NHS: variants seen among roughly 807,000 people sequenced by gnomAD.
NHS encodes the protein NHS actin remodeling regulator, also known as actin remodeling regulator NHS.
In NHS, 5 loss-of-function variants were observed where a neutral mutation model predicts 72.5. That is an observed-to-expected ratio of 0.07 (90% CI 0.04 to 0.14). The LOEUF is 0.14. Ranked by LOEUF, NHS falls within the 10% of genes least tolerant of loss-of-function variation. The probability of loss-of-function intolerance (pLI) is 1.00; values close to 1 mark genes in which losing one functional copy is unlikely to be tolerated. For missense variants in NHS, 1,072 were observed against 1,355.7 expected, an observed-to-expected ratio of 0.79 and a Z score of 3.29; for synonymous variants, 464 against 547.7, an observed-to-expected ratio of 0.85 and a Z score of 2.13.
At chrX:17,577,501 A>C (rs1371831342) in intron 1 of NHS, among the ~76,000 whole-genome samples, 3 of 111,824 alleles carry the variant, frequency 2.7e-5, no homozygotes, top group African/African-American at 9.8e-5. Flanking sequence ...TGAATGTCTT[A>C]CACCAGGCTT....
intron 1 of NHS, among the ~76,000 whole-genome samples, chrX:17,414,327 C>T (rs961109363): frequency 8.9e-6 from 1 of 112,333 alleles, no homozygotes; most frequent in African/African-American, 3.2e-5. Flanking sequence ...AGGCCAGAAA[C>T]GAATCCCGGT....
At chrX:17,396,054 A>G (rs950671592) in intron 1 of NHS, among the ~76,000 whole-genome samples, 2 of 112,267 alleles carry the variant, frequency 1.8e-5, no homozygotes, top group African/African-American at 6.5e-5. Context: ...TTTATGATAC[A>G]TTCCAAAGTT....
intron 1 of NHS, among the ~76,000 whole-genome samples, chrX:17,451,904 G>A (rs1176703114): frequency 8.9e-6 from 1 of 111,960 alleles, no homozygotes; most frequent in African/African-American, 3.2e-5. Context: ...CTTAATTGCT[G>A]TGGCTAGATT....
At chrX:17,560,371 G>A (rs1185024934) in intron 1 of NHS, among the ~76,000 whole-genome samples, 1 of 112,696 alleles carries the variant, frequency 8.9e-6, no homozygotes, top group Non-Finnish European at 1.9e-5. Context: ...AATAATTTCT[G>A]TATCTTGGAC....
chrX:17,516,246 C>T (rs748472653), intron 1 of NHS, among the ~76,000 whole-genome samples: 2 of 111,177 alleles, frequency 1.8e-5, no homozygotes, highest in East Asian at 5.6e-4. Flanking sequence ...TTCAAATACC[C>T]CAAAGCCATA....
At chrX:17,691,420 T>C (rs1338776429) in intron 2 of NHS, among the ~76,000 whole-genome samples, 1 of 112,184 alleles carries the variant, frequency 8.9e-6, no homozygotes, top group Non-Finnish European at 1.9e-5. Flanking sequence ...ACTACCTACA[T>C]GGTTTTGAAG....
Position 17,564,988 on chromosome X carries a change from T to A in NHS, c.566-122754T>A, listed in dbSNP as rs982724552. On this transcript the variant is annotated intron_variant, in intron 1 of 8. Transcript: ENST00000676302. ...AGCCACATTTTTTTTTATTTATTTT[T>A]TTTTTTTGCAGCAACTCCCATTAAG... is the stretch of plus-strand genomic sequence containing the variant. 7.3e-5 allele frequency among the ~76,000 whole-genome samples: 8 copies of A among 110,040 alleles called. No individual in the cohort carries two copies. The East Asian group carries it at 1.1e-3, about 16-fold the overall frequency.
chrX:17,542,655 CA>C (rs1464179779), intron 1 of NHS, among the ~76,000 whole-genome samples: 2 of 111,163 alleles, frequency 1.8e-5, no homozygotes, highest in Non-Finnish European at 3.8e-5. Context: ...CAAAGTGACA[CA>C]AAGGGAACTT....
In NHS at chrX:17,375,432, G is replaced by T; in HGVS notation, c.-326G>T. On this transcript the variant is annotated 5_prime_UTR_variant, in exon 1 of 9. Transcript: ENST00000676302. ...CGGCAGTGGCCGGGGTGGCGACGGCGAGCACAGAAACGATGGAGTTGAGCC... is the reference window on the plus strand; with the variant it reads ...CGGCAGTGGCCGGGGTGGCGACGGCTAGCACAGAAACGATGGAGTTGAGCC... The T allele has an allele frequency of 2.6e-6, 1 of 387,395 alleles. No individual in the cohort carries two copies. Among genetic ancestry groups the T allele is most frequent in the Non-Finnish European group, 4.4e-6 (1 of 225,647 alleles). The allele number at this position is 387,395 out of a possible 1,213,427, so 31.9% of individuals were successfully genotyped here.
In NHS at chrX:17,727,782, A is replaced by G; in HGVS notation, c.3676A>G (p.Lys1226Glu). 8.3e-7 allele frequency: 1 copy of G among 1,211,905 alleles called. No homozygotes were observed. Among genetic ancestry groups the G allele is most frequent in the Non-Finnish European group, 1.1e-6 (1 of 895,558 alleles). ...AGAAAAAAACTCTACTTTTGATGTG[A>G]AGAATCGCTGCGATCCAGAAACCAT... ...HLEKNSTFDV[K>E]NRCDPETITS... Residue 1226 changes from lysine to glutamate, a missense_variant, in exon 7 of 9, where the codon AAG becomes GAG. Transcript: ENST00000676302.
chrX:17,520,065 A>G (rs1351322722), intron 1 of NHS, among the ~76,000 whole-genome samples: 1 of 107,898 alleles, frequency 9.3e-6, no homozygotes, highest in East Asian at 2.9e-4. Flanking sequence ...TTCTTTGCAT[A>G]TGACACACAC....
intron 1 of NHS, among the ~76,000 whole-genome samples, chrX:17,503,390 A>C (rs1244771816): frequency 8.9e-6 from 1 of 112,320 alleles, no homozygotes; most frequent in Non-Finnish European, 1.9e-5. Context: ...GCTTAAAGAA[A>C]CATTGATATG....
At chrX:17,426,539 A>C (rs1490013674) in intron 1 of NHS, among the ~76,000 whole-genome samples, 1 of 112,079 alleles carries the variant, frequency 8.9e-6, no homozygotes, top group South Asian at 3.8e-4. Flanking sequence ...CCTCTTCACT[A>C]TAATAAAAGT....
At chrX:17,433,958 C>T (rs775555513) in intron 1 of NHS, among the ~76,000 whole-genome samples, 28 of 111,947 alleles carry the variant, frequency 2.5e-4, no homozygotes, top group Middle Eastern at 4.6e-3. Context: ...GGGCTAGCAG[C>T]GGGTGGAGAA....
intron 1 of NHS, among the ~76,000 whole-genome samples, chrX:17,449,744 C>G (rs774038544): frequency 1.8e-5 from 2 of 112,125 alleles, no homozygotes; most frequent in Admixed American, 1.9e-4. Context: ...GTAGATAGCT[C>G]TTAATCTGTA....
At chrX:17,481,040 C>T (rs1199946593) in intron 1 of NHS, among the ~76,000 whole-genome samples, 3 of 111,485 alleles carry the variant, frequency 2.7e-5, no homozygotes, top group Non-Finnish European at 3.8e-5. Context: ...TTAAACTTTA[C>T]ATTCTTCCTA....
intron 1 of NHS, among the ~76,000 whole-genome samples, chrX:17,415,146 T>C (rs1395144934): frequency 1.8e-5 from 2 of 111,755 alleles, no homozygotes; most frequent in Non-Finnish European, 3.8e-5. Context: ...ACTGGCTCTA[T>C]CTGTCTGGCT....
At chrX:17,673,177 AACACACACACAC>A (rs56271300) in intron 1 of NHS, among the ~76,000 whole-genome samples, 1,114 of 65,487 alleles carry the variant, frequency 0.017, 22 homozygotes, top group African/African-American at 0.034. Context: ...TGGAAGATGA[AACACACACACAC>A]ACACACACAC....
At chrX:17,606,308 G>A (rs17312415) in intron 1 of NHS, among the ~76,000 whole-genome samples, 1,924 of 111,849 alleles carry the variant, frequency 0.017, 19 homozygotes, top group Non-Finnish European at 0.029. Context: ...TAGACTCCCA[G>A]AAGCAGTGAC....
Sources: allele counts gnomAD v4.1 joint callset (sites outside exome capture counted in the v4.1 genomes callset), GRCh38; gene constraint gnomAD v4.1.1; transcripts MANE v1.5; gene names NCBI Gene and HGNC (gene_info 2026-07-23, HGNC 2026-07-21).